The following RPS6KC1 variants were observed in gnomAD, a reference collection of about 807,000 sequenced individuals.
RPS6KC1 encodes ribosomal protein S6 kinase C1, also known as inactive ribosomal protein S6 kinase delta-1.
A neutral mutation model predicts 103.8 loss-of-function variants in RPS6KC1; 54 were observed. That is an observed-to-expected ratio of 0.52 (90% confidence interval 0.42 to 0.65). RPS6KC1 has a LOEUF of 0.65. Among genes scored for constraint, RPS6KC1 ranks in the 30% least tolerant of loss-of-function variants. The probability of loss-of-function intolerance (pLI) is 0.00; values close to 1 mark genes in which losing one functional copy is unlikely to be tolerated. For missense variants in RPS6KC1, 1,151 were observed against 1,253.8 expected, an observed-to-expected ratio of 0.92 and a Z score of 1.24; for synonymous variants, 439 against 438.7, an observed-to-expected ratio of 1.00 and a Z score of -0.01.
At chr1:213,092,622 A>G (rs911581999) in intron 3 of RPS6KC1, among the ~76,000 whole-genome samples, 1 of 151,738 alleles carries the variant, frequency 6.6e-6, no homozygotes, top group African/African-American at 2.4e-5. Context: ...CAGTGAGCCC[A>G]GATCGTGCCA....
rs2083748219 is a variant in RPS6KC1, at chr1:213,117,164, G to T, written c.379-153G>T. ...TTACAGTCGATGAGATATACCTATT[G>T]TTTTTTTTTGAAAACACTTGTCATC... On this transcript the variant is annotated intron_variant, in intron 4 of 14. Transcript: ENST00000366960. Among the ~76,000 whole-genome samples, 6 of 150,330 alleles carry T rather than the reference G, an allele frequency of 4.0e-5. No individual in the cohort carries two copies. In the South Asian group the frequency reaches 8.4e-4, roughly 21 times the overall value.
the RPS6KC1 span, among the ~76,000 whole-genome samples, chr1:213,305,674 A>C: frequency 1.3e-5 from 2 of 152,224 alleles, no homozygotes; most frequent in African/African-American, 2.4e-5. Context: ...GGATTCAATT[A>C]GATGGCATCA....
intron 6 of RPS6KC1, among the ~76,000 whole-genome samples, chr1:213,151,425 C>T (rs1336119470): frequency 7.5e-6 from 1 of 134,130 alleles, no homozygotes; most frequent in African/African-American, 2.9e-5. Context: ...GGCGGCCGGG[C>T]AGAGGCGCCC....
At chr1:213,231,182 TTTTG>T (rs1482660046) in intron 9 of RPS6KC1, among the ~76,000 whole-genome samples, 2 of 152,204 alleles carry the variant, frequency 1.3e-5, no homozygotes, top group African/African-American at 4.8e-5. Flanking sequence ...CTCAAGAACA[TTTTG>T]TTTAATTGTG....
At chr1:213,831,387 A>C in the RPS6KC1 span, among the ~76,000 whole-genome samples, 1 of 152,186 alleles carries the variant, frequency 6.6e-6, no homozygotes, top group Non-Finnish European at 1.5e-5. Flanking sequence ...GGTTGGAGTG[A>C]TGTAAGGAAG....
At chr1:213,540,973 G>A in the RPS6KC1 span, among the ~76,000 whole-genome samples, 1 of 151,910 alleles carries the variant, frequency 6.6e-6, no homozygotes, top group African/African-American at 2.4e-5. Context: ...AGATTTTGCA[G>A]CAATTCAGTT....
the RPS6KC1 span, among the ~76,000 whole-genome samples, chr1:213,760,115 C>G: frequency 6.6e-6 from 1 of 151,776 alleles, no homozygotes; most frequent in African/African-American, 2.4e-5. Flanking sequence ...ATCTGTGATG[C>G]CGAATCCTTC....
At chr1:213,465,540 C>T in the RPS6KC1 span, among the ~76,000 whole-genome samples, 1 of 152,124 alleles carries the variant, frequency 6.6e-6, no homozygotes, top group African/African-American at 2.4e-5. Flanking sequence ...CTGTAGCTCT[C>T]CCAGGTCACT....
the RPS6KC1 span, among the ~76,000 whole-genome samples, chr1:213,632,135 A>G: frequency 3.9e-5 from 6 of 152,180 alleles, no homozygotes; most frequent in African/African-American, 1.2e-4. Context: ...CACTTTTATC[A>G]GCGTTTGTTT....
intron 12 of RPS6KC1, among the ~76,000 whole-genome samples, chr1:213,254,381 A>G (rs1471825846): frequency 6.6e-6 from 1 of 152,202 alleles, no homozygotes; most frequent in African/African-American, 2.4e-5. Context: ...GATTCATTTC[A>G]CTTACCACCA....
At chr1:213,803,321 A>G in the RPS6KC1 span, among the ~76,000 whole-genome samples, 2 of 139,594 alleles carry the variant, frequency 1.4e-5, no homozygotes, top group East Asian at 2.1e-4. Flanking sequence ...ATCTCGGCTC[A>G]CTGCAACCTC....
chr1:213,381,487 A>G, the RPS6KC1 span, among the ~76,000 whole-genome samples: 2 of 151,460 alleles, frequency 1.3e-5, no homozygotes, highest in African/African-American at 2.4e-5. Context: ...GCAGGAGAGG[A>G]GAGAGAGAGA....
At chr1:213,110,978 C>G (rs1013331199) in intron 4 of RPS6KC1, among the ~76,000 whole-genome samples, 3 of 150,936 alleles carry the variant, frequency 2.0e-5, no homozygotes, top group Non-Finnish European at 4.4e-5. Context: ...CAATCCAAAT[C>G]ACATTAGCCT....
At chr1:213,163,784 C>T (rs1474350535) in intron 6 of RPS6KC1, among the ~76,000 whole-genome samples, 1 of 152,044 alleles carries the variant, frequency 6.6e-6, no homozygotes, top group East Asian at 1.9e-4. Flanking sequence ...GACCTGTTCT[C>T]TTTTACATGG....
chr1:213,546,070 C>A, the RPS6KC1 span, among the ~76,000 whole-genome samples: 4 of 152,156 alleles, frequency 2.6e-5, no homozygotes, highest in Admixed American at 6.5e-5. Flanking sequence ...CTCACCTGGA[C>A]CGAAGCCCAG....
chr1:213,163,391 T>A (rs2090657594), intron 6 of RPS6KC1, among the ~76,000 whole-genome samples: 1 of 152,210 alleles, frequency 6.6e-6, no homozygotes, highest in African/African-American at 2.4e-5. Context: ...AAGTAGAGTC[T>A]TATGTGGGGA....
rs201673972 is a variant in RPS6KC1 at position 213,104,506 on chromosome 1, G to C, written c.315G>C (p.Leu105=). The change falls in exon 4 of 15, where the codon CTG becomes CTC. Residue 105 remains leucine, a synonymous_variant. Transcript: ENST00000366960. The part of the protein sequence containing the change: ...IEERRQCAED[L]LQFSANIPAL... Reference sequence around the variant, plus strand: ...AGAGAAGACAATGTGCTGAAGACCTGCTACAGTTCTCTGCCAATATTCCTG... The same window carrying C: ...AGAGAAGACAATGTGCTGAAGACCTCCTACAGTTCTCTGCCAATATTCCTG... 28 of 1,612,792 alleles carry C rather than the reference G, an allele frequency of 1.7e-5. No individual in the cohort carries two copies. The African/African-American group carries it at 3.6e-4, about 21-fold the overall frequency.
At chr1:213,445,256 G>A in the RPS6KC1 span, among the ~76,000 whole-genome samples, 1 of 152,158 alleles carries the variant, frequency 6.6e-6, no homozygotes, top group Non-Finnish European at 1.5e-5. Context: ...ATCAGTTAGT[G>A]GATGTTAAGG....
chr1:213,710,849 T>G, the RPS6KC1 span, among the ~76,000 whole-genome samples: 24 of 152,192 alleles, frequency 1.6e-4, no homozygotes, highest in African/African-American at 5.3e-4. Flanking sequence ...TGGCCCCCAC[T>G]CTCTTCTGGC....
Sources: gnomAD v4.1 joint callset for allele counts (sites outside exome capture counted in the v4.1 genomes callset) on GRCh38, gnomAD v4.1.1 for gene constraint, MANE v1.5 for transcripts, NCBI Gene and HGNC (gene_info 2026-07-23, HGNC 2026-07-21) for gene names.